Variants in XRN1 observed in about 807,000 individuals in gnomAD.
The protein encoded by XRN1 is strand-exchange protein 1 homolog.
In XRN1, 67 loss-of-function variants were observed where a neutral mutation model predicts 222.3. The ratio of observed to expected loss-of-function variants is 0.30; its 90% CI spans 0.25 to 0.37. XRN1 has a LOEUF of 0.37. Ranked by LOEUF, XRN1 falls within the 10% of genes least tolerant of loss-of-function variation. XRN1 has a pLI of 1.00. For missense variants in XRN1, 1,707 were observed against 2,000.2 expected, an observed-to-expected ratio of 0.85 and a Z score of 2.80; for synonymous variants, 643 against 652.4, an observed-to-expected ratio of 0.99 and a Z score of 0.22.
At chr3:142,440,737 T>C (rs1440283744) in intron 1 of XRN1, among the ~76,000 whole-genome samples, 1 of 152,192 alleles carries the variant, frequency 6.6e-6, no homozygotes, top group Non-Finnish European at 1.5e-5. Flanking sequence ...CCTTATACTC[T>C]GCTTTCCCAA....
At chr3:142,340,387 G>C (rs1300120980) in intron 33 of XRN1, among the ~76,000 whole-genome samples, 2 of 151,300 alleles carry the variant, frequency 1.3e-5, no homozygotes, top group Non-Finnish European at 2.9e-5. Context: ...GAAGAGAAAA[G>C]AGAAAAGAAT....
chr3:142,317,225 G>A (rs1305909516), intron 39 of XRN1, among the ~76,000 whole-genome samples: 8 of 152,058 alleles, frequency 5.3e-5, no homozygotes, highest in African/African-American at 1.7e-4. Flanking sequence ...GATGCATATC[G>A]TTTTGTTTTA....
At chr3:142,392,649 T>G (rs2067774087) in intron 20 of XRN1, among the ~76,000 whole-genome samples, 1 of 151,420 alleles carries the variant, frequency 6.6e-6, no homozygotes, top group Admixed American at 6.6e-5. Flanking sequence ...ACAAAGGACA[T>G]GAACTCATCA....
At chr3:142,414,421 T>C (rs1004935664) in intron 13 of XRN1, 130 bp from the exon 14 acceptor site, 1 of 644,484 alleles carries the variant, frequency 1.6e-6, no homozygotes. Flanking sequence ...CCCATAATTC[T>C]ACTATCTGAA....
At chr3:142,432,557 A>C in intron 2 of XRN1, 104 bp downstream of exon 2, 1 of 1,122,788 alleles carries the variant, frequency 8.9e-7, no homozygotes, top group Non-Finnish European at 1.2e-6. Flanking sequence ...GAGTTTACGC[A>C]GAAAATAAAC....
chr3:142,313,324 C>T (rs1220213943), intron 39 of XRN1: 1 of 850,008 alleles, frequency 1.2e-6, no homozygotes, highest in African/African-American at 1.7e-5. Flanking sequence ...CCAATGGGTG[C>T]CAAATCTAAT....
chr3:142,319,284 T>TA (rs2065286720), intron 37 of XRN1, among the ~76,000 whole-genome samples: 1 of 152,068 alleles, frequency 6.6e-6, no homozygotes, highest in Non-Finnish European at 1.5e-5. Context: ...GAAGCTGTGA[T>TA]AGAGACTATC....
At chr3:142,356,098 T>C (rs1559811036) in intron 31 of XRN1, among the ~76,000 whole-genome samples, 1 of 152,208 alleles carries the variant, frequency 6.6e-6, no homozygotes, top group East Asian at 1.9e-4. Context: ...TTATACTGAA[T>C]CAATATCCCA....
intron 32 of XRN1, among the ~76,000 whole-genome samples, chr3:142,354,086 AT>A (rs1449063338): frequency 2.0e-5 from 3 of 152,132 alleles, no homozygotes; most frequent in Non-Finnish European, 2.9e-5. Flanking sequence ...GAAAATTTAT[AT>A]TTTAATTAAA....
chr3:142,397,497 T>C, intron 19 of XRN1, 37 bp from the exon 20 acceptor site: 2 of 1,537,004 alleles, frequency 1.3e-6, no homozygotes, highest in Non-Finnish European at 1.8e-6. Context: ...AACCAAAATG[T>C]TCTGGTTTAA....
rs1466790549 is a variant in XRN1, at chr3:142,333,077, T to G, written c.3952A>C (p.Ile1318Leu). 3 of 1,612,268 alleles carry G rather than the reference T, an allele frequency of 1.9e-6. No homozygotes were observed. Among genetic ancestry groups the G allele is most frequent in the Non-Finnish European group, 2.5e-6 (3 of 1,179,202 alleles). Residue 1318 changes from isoleucine (I) to leucine (L), a missense_variant, in exon 35 of 41, where the codon ATT becomes CTT. Ile to Leu is a conservative substitution (Grantham distance 5). Transcript: ENST00000392981. ...TTCAAAGATGCTAAAAAGTTCTCAA[T>G]TCCAGAGTTAGGCTAAAAGAATAAA... ...KMSNKQPNSG[I>L]ENFLASLNIS...
At chr3:142,356,311 T>A (rs2066463970) in intron 31 of XRN1, among the ~76,000 whole-genome samples, 1 of 152,206 alleles carries the variant, frequency 6.6e-6, no homozygotes, top group Non-Finnish European at 1.5e-5. Flanking sequence ...CTTTTGCTTG[T>A]GTTTCCTTTG....
intron 20 of XRN1, among the ~76,000 whole-genome samples, chr3:142,384,976 A>G (rs1190220020): frequency 6.6e-6 from 1 of 152,190 alleles, no homozygotes; most frequent in Non-Finnish European, 1.5e-5. Context: ...AGGGAAAAAA[A>G]TAAGTTTTGG....
rs1216397971 is a variant in XRN1, at chr3:142,367,504, A to G, written c.3205-2138T>C. On this transcript the variant is annotated intron_variant, in intron 27 of 40. Coordinates refer to ENST00000392981, the MANE Select transcript of XRN1 (RefSeq NM_001282857.2). ...AGTTCTACCAGTAATTTTGATAATTAGCAGAGTTTGGAAACCATGTTCCAA... is the reference window on the plus strand; with the variant it reads ...AGTTCTACCAGTAATTTTGATAATTGGCAGAGTTTGGAAACCATGTTCCAA... Among the ~76,000 whole-genome samples, 33 of 152,146 alleles carry G rather than the reference A, an allele frequency of 2.2e-4. 3 individuals are homozygous for G. Among genetic ancestry groups the G allele is most frequent in the Admixed American group, 2.2e-3 (33 of 15,266 alleles).
Position 142,311,003 on chromosome 3 carries a change from A to G in XRN1, c.*508T>C, listed in dbSNP as rs893859094. On this transcript the variant is annotated 3_prime_UTR_variant, in exon 41 of 41. Transcript: ENST00000392981. ...AAAGCATAAGTTAAAACACACATAA[A>G]TAAGAGCCATTCTCCTGACAATTTT... The G allele has an allele frequency of 1.3e-5, 2 of 152,878 alleles. No homozygotes were observed. The highest frequency in any genetic ancestry group is 6.5e-5 in the Admixed American group (1 of 15,300). The allele number at this position is 152,878 out of a possible 1,614,324, so 9.5% of individuals were successfully genotyped here. A position where few individuals can be genotyped will look rare whatever the true frequency, so the allele number is the denominator to read the frequency against.
In XRN1 at chr3:142,383,441, A is replaced by G. The variant is rs113516887; in HGVS notation, c.2503-28T>C. ...ACATAAAATAAAAGTAAATAATCTT[A>G]GTCATAATTTCTATAGATTGCGTAT... On this transcript the variant is annotated intron_variant, in intron 21 of 40. Coordinates refer to ENST00000392981, the MANE Select transcript of XRN1 (RefSeq NM_001282857.2). The G allele has an allele frequency of 1.8e-4, 288 of 1,569,680 alleles. 4 individuals carry two copies. In the African/African-American group the frequency reaches 3.0e-3, roughly 17 times the overall value.
chr3:142,389,898 T>C (rs2067653395), intron 20 of XRN1, among the ~76,000 whole-genome samples: 1 of 152,224 alleles, frequency 6.6e-6, no homozygotes, highest in Admixed American at 6.5e-5. Flanking sequence ...GGATGTTGTG[T>C]TTGCATGCGT....
chr3:142,321,824 A>G (rs2065364533), intron 37 of XRN1, among the ~76,000 whole-genome samples: 1 of 152,168 alleles, frequency 6.6e-6, no homozygotes, highest in Non-Finnish European at 1.5e-5. Flanking sequence ...TTGATTTTGT[A>G]TTCTGCAACT....
At chr3:142,352,129 CCTT>C (rs1163571281) in intron 32 of XRN1, among the ~76,000 whole-genome samples, 2 of 152,192 alleles carry the variant, frequency 1.3e-5, no homozygotes, top group Non-Finnish European at 2.9e-5. Flanking sequence ...CCTAAATTAA[CCTT>C]CTAACTACGA....
Sources: allele counts gnomAD v4.1 joint callset (sites outside exome capture counted in the v4.1 genomes callset), GRCh38; gene constraint gnomAD v4.1.1; transcripts MANE v1.5; gene names NCBI Gene and HGNC (gene_info 2026-07-23, HGNC 2026-07-21).